The following LCLAT1 variants were observed in gnomAD, a reference collection of about 807,000 sequenced individuals.
LCLAT1 encodes 1-AGP acyltransferase 8.
LCLAT1 carries 11 observed loss-of-function variants against 30.7 expected under a neutral mutation model. The ratio of observed to expected loss-of-function variants is 0.36; its 90% CI spans 0.23 to 0.59. LCLAT1 has a LOEUF of 0.59. Among genes scored for constraint, LCLAT1 ranks in the 20% least tolerant of loss-of-function variants. The pLI is 0.77. For missense variants in LCLAT1, 402 were observed against 458.6 expected (o/e 0.88, Z 1.13); for synonymous variants, 155 against 151.3 (o/e 1.02, Z -0.18).
At chr2:30,616,033 A>C (rs759775880) in intron 5 of LCLAT1, among the ~76,000 whole-genome samples, 1 of 152,204 alleles carries the variant, frequency 6.6e-6, no homozygotes, top group Non-Finnish European at 1.5e-5. Context: ...TAGTCTTCAC[A>C]GTTTACCCAG....
rs148782615 is a variant in LCLAT1 at position 30,611,720 on chromosome 2, A to G, written c.629-28397A>G. On this transcript the variant is annotated intron_variant, in intron 5 of 5. Coordinates refer to ENST00000379509, the MANE Select transcript of LCLAT1 (RefSeq NM_001002257.3). Reference sequence around the variant, plus strand: ...TGGTCTGGGCTCTGGGCATAGCAGCAAAGAAGAGCTTACTTCATCTGGGTC... The same window carrying G: ...TGGTCTGGGCTCTGGGCATAGCAGCGAAGAAGAGCTTACTTCATCTGGGTC... 1.8e-3 allele frequency among the ~76,000 whole-genome samples: 277 copies of G among 152,270 alleles called. 1 individual carries two copies. The highest frequency in any genetic ancestry group is 6.4e-3 in the African/African-American group (267 of 41,570).
At chr2:30,599,002 TA>T (rs1667058399) in intron 5 of LCLAT1, among the ~76,000 whole-genome samples, 2 of 113,114 alleles carry the variant, frequency 1.8e-5, no homozygotes, top group South Asian at 3.5e-4. Context: ...TTGTTTGAGA[TA>T]GATAGAGTCT....
chr2:30,623,573 T>G (rs1272343453), intron 5 of LCLAT1, among the ~76,000 whole-genome samples: 2 of 150,178 alleles, frequency 1.3e-5, no homozygotes, highest in Non-Finnish European at 3.0e-5. Flanking sequence ...GGAAAAAGAA[T>G]GGGGGAAAAA....
chr2:30,613,465 G>A (rs1667836746), intron 5 of LCLAT1, among the ~76,000 whole-genome samples: 1 of 152,090 alleles, frequency 6.6e-6, no homozygotes. Context: ...ACATTTTAAG[G>A]TGGAAGTGTA....
intron 1 of LCLAT1, among the ~76,000 whole-genome samples, chr2:30,447,882 C>T (rs1223487497): frequency 2.0e-5 from 3 of 152,232 alleles, no homozygotes; most frequent in African/African-American, 4.8e-5. Flanking sequence ...GGTTGTCTTC[C>T]CTGCGAGTCC....
intron 1 of LCLAT1, among the ~76,000 whole-genome samples, chr2:30,459,089 G>A (rs1681973571): frequency 6.6e-6 from 1 of 152,180 alleles, no homozygotes; most frequent in African/African-American, 2.4e-5. Flanking sequence ...ATGTGGTCAT[G>A]CTTGCTTTCC....
intron 1 of LCLAT1, among the ~76,000 whole-genome samples, chr2:30,497,994 ACT>A (rs138242700): frequency 6.6e-5 from 10 of 152,116 alleles, no homozygotes; most frequent in Middle Eastern, 3.4e-3. Context: ...TTAAATCCTG[ACT>A]CTGCTGCTTG....
chr2:30,523,203 G>T (rs371346090), intron 1 of LCLAT1, among the ~76,000 whole-genome samples: 99 of 151,844 alleles, frequency 6.5e-4, no homozygotes, highest in East Asian at 2.1e-3. Context: ...TTGCAGGACT[G>T]GGGGGCGGGG....
rs564240259 is a variant in LCLAT1 at position 30,623,413 on chromosome 2, G to A, written c.629-16704G>A. Among the ~76,000 whole-genome samples the A allele has an allele frequency of 3.3e-5, 5 of 152,148 alleles. No individual in the cohort carries two copies. In the South Asian group the frequency reaches 6.2e-4, roughly 19 times the overall value. ...AGAAAACCGTCCACAGAAATAGATAGCATAGATAAAAAACAACTTCTGGAA... is the reference window on the plus strand; with the variant it reads ...AGAAAACCGTCCACAGAAATAGATAACATAGATAAAAAACAACTTCTGGAA... On this transcript the variant is annotated intron_variant, in intron 5 of 5. Transcript: ENST00000379509.
chr2:30,568,154 T>C lies in LCLAT1; in HGVS notation c.606T>C (p.Phe202=). The change falls in exon 5 of 6, where the codon TTT becomes TTC. Residue 202 remains phenylalanine, a synonymous_variant. Transcript: ENST00000379509. ...ATCCAAGAACTACAGGCTTTACTTT[T>C]GTGGTAGACCGTCTAAGAGAAGGTA... ...VLHPRTTGFT[F]VVDRLREGKN... is the part of the protein sequence containing the mutation. The C allele has an allele frequency of 1.9e-6, 3 of 1,596,532 alleles. No homozygotes were observed. Among genetic ancestry groups the C allele is most frequent in the Non-Finnish European group, 2.6e-6 (3 of 1,170,612 alleles).
intron 5 of LCLAT1, among the ~76,000 whole-genome samples, chr2:30,638,862 G>A (rs1040647044): frequency 2.7e-5 from 4 of 145,824 alleles, no homozygotes; most frequent in Non-Finnish European, 4.5e-5. Context: ...TGTCACATCC[G>A]TTCTTCCTTG....
chr2:30,454,752 G>C (rs2077985), intron 1 of LCLAT1, among the ~76,000 whole-genome samples: 19,225 of 151,948 alleles, frequency 0.13, 1,341 homozygotes, highest in South Asian at 0.23. Flanking sequence ...CGTGGCCCTA[G>C]GTTGTTTACA....
rs55801578 is a variant in LCLAT1 at position 30,607,845 on chromosome 2, CTGTGTGTGTGTGTGTGTGTGTGTGTGTG to C, written c.629-32244_629-32217del. 61 of 138,388 alleles carry C rather than the reference CTGTGTGTGTGTGTGTGTGTGTGTGTGTG, an allele frequency of 4.4e-4. No individual in the cohort carries two copies. In the Middle Eastern group the frequency reaches 0.014, roughly 32 times the overall value. 8.6% of individuals were successfully genotyped at this position (138,388 alleles called of 1,614,324 possible). Reference sequence around the variant, plus strand: ...GATCCTGACCCTGTGTAGGCCTAGGCTGTGTGTGTGTGTGTGTGTGTGTGTGTGTGTGTGTGTGTGTGTGTGTGTGTGT... The same window carrying C: ...GATCCTGACCCTGTGTAGGCCTAGGCTGTGTGTGTGTGTGTGTGTGTGTGT... On this transcript the variant is annotated intron_variant, in intron 5 of 5. Transcript: ENST00000379509.
rs371442261 is a variant in LCLAT1, at chr2:30,633,349, TTTTA to T, written c.629-6764_629-6761del. Among the ~76,000 whole-genome samples the T allele has an allele frequency of 2.2e-4, 33 of 152,296 alleles. No individual in the cohort carries two copies. The East Asian group carries it at 5.8e-3, about 27-fold the overall frequency. The stretch of plus-strand genomic sequence containing the variant: ...TAGATCTGGAAAATAGAAAATAGAT[TTTTA>T]TTTTAATTTTTTTAAAGCAGGTGTT... On this transcript the variant is annotated intron_variant, in intron 5 of 5. Coordinates refer to ENST00000379509, the MANE Select transcript of LCLAT1 (RefSeq NM_001002257.3).
At chr2:30,492,614 C>T (rs1283958972) in intron 1 of LCLAT1, among the ~76,000 whole-genome samples, 5 of 150,556 alleles carry the variant, frequency 3.3e-5, no homozygotes, top group Admixed American at 6.6e-5. Flanking sequence ...GTATATGATA[C>T]TTTATCCTTG....
chr2:30,555,882 G>A (rs1664895612), intron 3 of LCLAT1, among the ~76,000 whole-genome samples: 1 of 146,598 alleles, frequency 6.8e-6, no homozygotes, highest in Non-Finnish European at 1.5e-5. Context: ...CTGTCGCCCA[G>A]GCTGGAGTGC....
In LCLAT1 at chr2:30,479,174, G is replaced by A. The variant is rs145231639; in HGVS notation, c.-5+31791G>A. ...TTATTTGGGTGAATCTCACAGACAT[G>A]TTGAATAAAAGCAGCCAGATGCAGT... On this transcript the variant is annotated intron_variant, in intron 1 of 5. Coordinates refer to ENST00000379509, the MANE Select transcript of LCLAT1 (RefSeq NM_001002257.3). Among the ~76,000 whole-genome samples the A allele has an allele frequency of 2.9e-3, 435 of 152,162 alleles. 3 individuals carry two copies. The highest frequency in any genetic ancestry group is 9.0e-3 in the African/African-American group (374 of 41,524).
At chr2:30,593,442 G>C (rs1230362366) in intron 5 of LCLAT1, among the ~76,000 whole-genome samples, 1 of 152,030 alleles carries the variant, frequency 6.6e-6, no homozygotes, top group Non-Finnish European at 1.5e-5. Context: ...ATGTTGTTTG[G>C]GTTACTCTAG....
intron 5 of LCLAT1, among the ~76,000 whole-genome samples, chr2:30,602,152 C>T (rs189168932): frequency 6.6e-6 from 1 of 152,092 alleles, no homozygotes; most frequent in East Asian, 1.9e-4. Flanking sequence ...GATGAAAGAC[C>T]TGTAGGGCTT....
Sources: allele counts gnomAD v4.1 joint callset (sites outside exome capture counted in the v4.1 genomes callset), GRCh38; gene constraint gnomAD v4.1.1; transcripts MANE v1.5; gene names NCBI Gene and HGNC (gene_info 2026-07-23, HGNC 2026-07-21).